VMP1: variants seen among roughly 807,000 people sequenced by gnomAD.
VMP1 encodes the protein vacuole membrane protein 1, also known as ectopic P-granules autophagy protein 3 homolog.
In VMP1, 11 loss-of-function variants were observed where a neutral mutation model predicts 56.0. The observed-to-expected ratio is 0.20, with a 90% CI of 0.12 to 0.32. The LOEUF (loss-of-function observed/expected upper bound fraction) is 0.32, where lower values mean the gene tolerates loss of function less well. VMP1 is among the 10% of genes least tolerant of loss of function. VMP1 has a pLI of 1.00. For missense variants in VMP1, 296 were observed against 490.3 expected, an observed-to-expected ratio of 0.60 and a Z score of 3.74; for synonymous variants, 149 against 165.0, an observed-to-expected ratio of 0.90 and a Z score of 0.74.
At chr17:59,766,389 A>G (rs1369546483) in intron 6 of VMP1, among the ~76,000 whole-genome samples, 1 of 152,102 alleles carries the variant, frequency 6.6e-6, no homozygotes, top group African/African-American at 2.4e-5. Context: ...CTGTCATCTC[A>G]GCTACTGGGG....
chr17:59,736,518 T>C (rs932068215), intron 3 of VMP1, among the ~76,000 whole-genome samples: 3 of 149,810 alleles, frequency 2.0e-5, no homozygotes, highest in African/African-American at 7.4e-5. Flanking sequence ...CTGAGGTGGG[T>C]GGATCACCTG....
At chr17:59,772,500 G>A (rs532014704) in intron 6 of VMP1, among the ~76,000 whole-genome samples, 3 of 151,890 alleles carry the variant, frequency 2.0e-5, no homozygotes, top group Non-Finnish European at 4.4e-5. Context: ...TGGGCGTGGT[G>A]GCTCACACCT....
intron 5 of VMP1, among the ~76,000 whole-genome samples, chr17:59,751,007 A>G (rs2035621889): frequency 7.4e-6 from 1 of 134,662 alleles, no homozygotes; most frequent in South Asian, 2.3e-4. Flanking sequence ...ATCTTAGCTC[A>G]CTGCAAACCC....
At chr17:59,721,224 T>C (rs2034383628) in intron 1 of VMP1, among the ~76,000 whole-genome samples, 1 of 151,826 alleles carries the variant, frequency 6.6e-6, no homozygotes, top group Non-Finnish European at 1.5e-5. Context: ...CACACACCTG[T>C]AATTCCAGCT....
At chr17:59,747,974 A>G (rs2035492910) in intron 5 of VMP1, among the ~76,000 whole-genome samples, 1 of 151,796 alleles carries the variant, frequency 6.6e-6, no homozygotes, top group Non-Finnish European at 1.5e-5. Context: ...AGACGGGCGG[A>G]TCACGAGGTC....
chr17:59,784,533 T>C lies in VMP1; in HGVS notation c.714+10648T>C, dbSNP rs2036941745. ...TTCTTTTAAAACTATTTATAGACTT[T>C]TCTTATCTCTCCAGGAGTCTAAACT... On this transcript the variant is annotated intron_variant, in intron 7 of 11. Transcript: ENST00000262291. Among the ~76,000 whole-genome samples the C allele has an allele frequency of 3.3e-5, 5 of 152,314 alleles. No homozygotes were observed. In the South Asian group the frequency reaches 1.0e-3, roughly 32 times the overall value.
In VMP1 at chr17:59,738,947, G is replaced by T; in HGVS notation, c.414G>T (p.Leu138=). The T allele has an allele frequency of 6.4e-7, 1 of 1,574,326 alleles. No individual in the cohort carries two copies. The highest frequency in any genetic ancestry group is 8.6e-7 in the Non-Finnish European group (1 of 1,165,034). ...GTGLHTFLLY[L]GPHIASVTLA... ...GGCTGCACACCTTTCTGCTTTATCTGGTAAGAATAATTTTATTTTAATAAG... is the reference window on the plus strand; with the variant it reads ...GGCTGCACACCTTTCTGCTTTATCTTGTAAGAATAATTTTATTTTAATAAG... The change falls in exon 5 of 12, where the codon CTG becomes CTT. Residue 138 remains leucine (L), a splice_region_variant and synonymous_variant. Transcript: ENST00000262291.
chr17:59,786,999 AG>A (rs2037027383), intron 7 of VMP1, among the ~76,000 whole-genome samples: 2 of 152,192 alleles, frequency 1.3e-5, no homozygotes, highest in Non-Finnish European at 2.9e-5. Flanking sequence ...GTTTTTGAAA[AG>A]GCGGGCCTGG....
At chr17:59,735,686 A>T in intron 3 of VMP1, 1 of 519,404 alleles carries the variant, frequency 1.9e-6, no homozygotes, top group Non-Finnish European at 3.4e-6. Context: ...TTACTGGATT[A>T]TCACAGTTGT....
rs567469307 is a variant in VMP1, at chr17:59,840,009, G to A, written c.*98G>A. 2 of 1,503,286 alleles carry A rather than the reference G, an allele frequency of 1.3e-6. No individual in the cohort carries two copies. Among genetic ancestry groups the A allele is most frequent in the Admixed American group, 2.4e-5 (1 of 41,584 alleles). 93.1% of individuals were successfully genotyped at this position (1,503,286 alleles called of 1,614,324 possible). ...GAAGGAAAATTCCCTTTTCCAACCT[G>A]TATCAATTTTTACAACTTTTTTCCT... On this transcript the variant is annotated 3_prime_UTR_variant, in exon 12 of 12. Transcript: ENST00000262291.
chr17:59,745,351 T>C (rs1389993174), intron 5 of VMP1, among the ~76,000 whole-genome samples: 1 of 152,224 alleles, frequency 6.6e-6, no homozygotes, highest in Non-Finnish European at 1.5e-5. Context: ...CAATAACCAA[T>C]AGTGTGACAA....
intron 5 of VMP1, among the ~76,000 whole-genome samples, chr17:59,763,393 A>G (rs1172654982): frequency 6.6e-6 from 1 of 152,088 alleles, no homozygotes; most frequent in Non-Finnish European, 1.5e-5. Flanking sequence ...TCAAAATCTT[A>G]TATAATTATT....
At chr17:59,734,828 G>A (rs1271273850) in intron 2 of VMP1, among the ~76,000 whole-genome samples, 1 of 150,538 alleles carries the variant, frequency 6.6e-6, no homozygotes, top group Non-Finnish European at 1.5e-5. Context: ...AGTTGACCAT[G>A]TGTTACTGAA....
chr17:59,722,073 C>T (rs558292394), intron 1 of VMP1, among the ~76,000 whole-genome samples: 21 of 152,104 alleles, frequency 1.4e-4, no homozygotes, highest in Non-Finnish European at 2.6e-4. Context: ...ATTAGAGTAC[C>T]ACCCTTATTA....
chr17:59,833,829 T>C (rs1263417099), intron 10 of VMP1, among the ~76,000 whole-genome samples: 2 of 152,234 alleles, frequency 1.3e-5, no homozygotes, highest in Non-Finnish European at 2.9e-5. Context: ...TCCAGTCCCT[T>C]CCTCATTTCC....
intron 6 of VMP1, among the ~76,000 whole-genome samples, chr17:59,768,940 G>T (rs2144011262): frequency 6.6e-6 from 1 of 152,006 alleles, no homozygotes; most frequent in African/African-American, 2.4e-5. Context: ...GGCCAACGTG[G>T]TGAAAGTTCA....
At chr17:59,783,933 G>T (rs1484092150) in intron 7 of VMP1, among the ~76,000 whole-genome samples, 2 of 152,114 alleles carry the variant, frequency 1.3e-5, no homozygotes, top group East Asian at 1.9e-4. Context: ...AATCTGTGAT[G>T]CCTCCCACTG....
chr17:59,775,019 A>G (rs1054807089), intron 7 of VMP1, among the ~76,000 whole-genome samples: 2 of 150,254 alleles, frequency 1.3e-5, no homozygotes, highest in African/African-American at 4.9e-5. Flanking sequence ...TCGGCTCACT[A>G]CAAGCTCCAC....
At chr17:59,725,664 G>A (rs901010641) in intron 1 of VMP1, among the ~76,000 whole-genome samples, 3 of 152,010 alleles carry the variant, frequency 2.0e-5, no homozygotes, top group Admixed American at 6.6e-5. Context: ...ATGGCAAGAA[G>A]GTTTTGAAAA....
Sources: allele counts gnomAD v4.1 joint callset (sites outside exome capture counted in the v4.1 genomes callset), GRCh38; gene constraint gnomAD v4.1.1; transcripts MANE v1.5; gene names NCBI Gene and HGNC (gene_info 2026-07-23, HGNC 2026-07-21).